Variants in AFDN observed in about 807,000 individuals in gnomAD.
AFDN encodes afadin.
AFDN carries 68 observed loss-of-function variants against 216.6 expected under a neutral mutation model. That is an observed-to-expected ratio of 0.31 (90% CI 0.26 to 0.38). AFDN has a LOEUF of 0.38. Ranked by LOEUF, AFDN falls within the 10% of genes least tolerant of loss-of-function variation. The pLI is 1.00. For missense variants in AFDN, 2,136 were observed against 2,342.0 expected (o/e 0.91, Z 1.82); for synonymous variants, 868 against 853.7 (o/e 1.02, Z -0.29).
chr6:167,955,833 T>G (rs1277044761), intron 30 of AFDN, among the ~76,000 whole-genome samples: 1 of 152,072 alleles, frequency 6.6e-6, no homozygotes, highest in African/African-American at 2.4e-5. Flanking sequence ...ATAAAATTCT[T>G]GGGTGGGCAC....
rs578050005 is a variant in AFDN, at chr6:167,971,070, G to A, written c.*1135G>A. ...CTTCAGCTATGGATATGTGGCTGAT[G>A]TTGGGGAGACGGACCTCAGTGTGTT... On this transcript the variant is annotated 3_prime_UTR_variant, in exon 34 of 34. Coordinates refer to ENST00000683244, the MANE Select transcript of AFDN (RefSeq NM_001386888.1). The A allele has an allele frequency of 9.1e-6, 2 of 220,542 alleles. No individual in the cohort carries two copies. The highest frequency in any genetic ancestry group is 3.7e-4 in the South Asian group (2 of 5,398). 13.7% of individuals were successfully genotyped at this position (220,542 alleles called of 1,614,324 possible). A position where few individuals can be genotyped will look rare whatever the true frequency, so the allele number is the denominator to read the frequency against.
Position 167,951,582 on chromosome 6 carries a change from C to A in AFDN, c.4228C>A (p.Gln1410Lys). 1.9e-6 allele frequency: 3 copies of A among 1,614,018 alleles called. No homozygotes were observed. Among genetic ancestry groups the A allele is most frequent in the Non-Finnish European group, 2.5e-6 (3 of 1,179,970 alleles). ...SANQIGLPSA[Q>K]VAAAERRKRE... ...CAACCAGATAGGGCTGCCGTCTGCGCAGGTGGCTGCTGCTGAACGGAGAAA... is the reference window on the plus strand; with the variant it reads ...CAACCAGATAGGGCTGCCGTCTGCGAAGGTGGCTGCTGCTGAACGGAGAAA... The change falls in exon 30 of 34, where the codon CAG (glutamine) becomes AAG (lysine). Residue 1410 changes from glutamine (Q) to lysine (K), a missense_variant. Gln to Lys is a moderately conservative substitution (Grantham distance 53). Transcript: ENST00000683244. This position sits in a 1 kb window ranked among gnomAD's most constrained non-coding sequence, Gnocchi z 7.1.
chr6:167,911,003 A>G, intron 13 of AFDN, 98 bp from the exon 14 acceptor site: 4 of 948,476 alleles, frequency 4.2e-6, no homozygotes, highest in Non-Finnish European at 6.6e-6. Flanking sequence ...AGATTAGTAT[A>G]TAGATTTAAA....
intron 1 of AFDN, among the ~76,000 whole-genome samples, chr6:167,858,115 A>G (rs1015333304): frequency 1.3e-5 from 2 of 152,138 alleles, no homozygotes; most frequent in African/African-American, 2.4e-5. Flanking sequence ...GAAAACTTTC[A>G]CTTTTTGATC....
chr6:167,855,640 T>G (rs1441488743), intron 1 of AFDN, among the ~76,000 whole-genome samples: 2 of 152,172 alleles, frequency 1.3e-5, no homozygotes, highest in Non-Finnish European at 2.9e-5. Flanking sequence ...AGTAGGAAGA[T>G]AGCTTATAGC....
chr6:167,965,973 C>G lies in AFDN; in HGVS notation c.5185C>G (p.Pro1729Ala). 1 of 1,551,180 alleles carries G rather than the reference C, an allele frequency of 6.4e-7. No homozygotes were observed. Among genetic ancestry groups the G allele is most frequent in the Non-Finnish European group, 8.7e-7 (1 of 1,146,972 alleles). The change falls in exon 32 of 34, where the codon CCC becomes GCC. Residue 1729 changes from proline (P) to alanine (A), a missense_variant. Physicochemically the swap from Pro to Ala is conservative, Grantham distance 27. Coordinates refer to ENST00000683244, the MANE Select transcript of AFDN (RefSeq NM_001386888.1). ...ASYLKTQVLS[P>A]DSLFTAKFVA... ...CTACCTCAAAACACAGGTCCTCTCC[C>G]CCGACTCGCTGTTCACTGCCAAGTT...
chr6:167,945,635 G>A (rs1795177164), intron 26 of AFDN, among the ~76,000 whole-genome samples: 1 of 152,162 alleles, frequency 6.6e-6, no homozygotes. Flanking sequence ...AGAAGATAGG[G>A]ATTTTTCAGC....
chr6:167,942,981 G>A (rs1356027148), intron 23 of AFDN, 148 bp from the exon 24 acceptor site: 1 of 583,602 alleles, frequency 1.7e-6, no homozygotes, highest in East Asian at 2.9e-5. Flanking sequence ...TTTCATACTT[G>A]TAATTTTCAT....
chr6:167,965,834 G>T lies in AFDN; in HGVS notation c.5046G>T (p.Leu1682Phe). Residue 1682 changes from leucine to phenylalanine, a missense_variant, in exon 32 of 34, where the codon TTG becomes TTT. By Grantham distance (22) the Leu-to-Phe change is conservative (BLOSUM62 0). This residue lies in a region of AFDN where 981 missense variants were observed against 966.0 expected (regional missense o/e 1.02). Transcript: ENST00000683244. ...AGCACGACGAGGCGGCGCGCAGGTT[G>T]CTGGAGCCCGAGGCGCCCGGTCTGT... ...RRQHDEAARR[L>F]LEPEAPGLCR... 6.4e-7 allele frequency: 1 copy of T among 1,553,878 alleles called. No homozygotes were observed. Among genetic ancestry groups the T allele is most frequent in the South Asian group, 1.2e-5 (1 of 84,206 alleles).
intron 1 of AFDN, among the ~76,000 whole-genome samples, chr6:167,861,080 T>A (rs1783512097): frequency 6.6e-6 from 1 of 152,002 alleles, no homozygotes; most frequent in South Asian, 2.1e-4. Flanking sequence ...CCTCCCCTCC[T>A]CTCCCCAACC....
intron 1 of AFDN, among the ~76,000 whole-genome samples, chr6:167,852,126 C>T (rs1689248700): frequency 6.6e-6 from 1 of 152,130 alleles, no homozygotes; most frequent in South Asian, 2.1e-4. Context: ...AAAATTCAAC[C>T]ATCATGCAAT....
In AFDN at chr6:167,900,321, G is replaced by T. The variant is rs114827116; in HGVS notation, c.1580+1854G>T. Reference sequence around the variant, plus strand: ...TCAAATCCTACTGATGGTTATAAACGAGTGGCAAAGTTTGATATTGATAGT... The same window carrying T: ...TCAAATCCTACTGATGGTTATAAACTAGTGGCAAAGTTTGATATTGATAGT... On this transcript the variant is annotated intron_variant, in intron 11 of 33. Transcript: ENST00000683244. Among the ~76,000 whole-genome samples the T allele has an allele frequency of 3.9e-5, 6 of 152,248 alleles. 1 individual carries two copies. Among genetic ancestry groups the T allele is most frequent in the Admixed American group, 2.6e-4 (4 of 15,298 alleles).
intron 1 of AFDN, among the ~76,000 whole-genome samples, chr6:167,851,913 T>G (rs1427225541): frequency 6.6e-6 from 1 of 152,260 alleles, no homozygotes; most frequent in African/African-American, 2.4e-5. Context: ...TTGCACTTAA[T>G]AGTTGGTAAT....
At chr6:167,966,117 C>A (rs967996397) in intron 32 of AFDN, 72 bp downstream of exon 32, 2 of 1,535,762 alleles carry the variant, frequency 1.3e-6, no homozygotes, top group Non-Finnish European at 1.7e-6. Flanking sequence ...ACCACGGCCA[C>A]CCCCCTGCCA....
rs572919400 is a variant in AFDN at position 167,901,493 on chromosome 6, T to C, written c.1581-824T>C. Reference sequence around the variant, plus strand: ...AGAAATTTTGATATTTTGAGATATTTGAAGAATCAGTTTAAACTAGGATAA... The same window carrying C: ...AGAAATTTTGATATTTTGAGATATTCGAAGAATCAGTTTAAACTAGGATAA... On this transcript the variant is annotated intron_variant, in intron 11 of 33. Coordinates refer to ENST00000683244, the MANE Select transcript of AFDN (RefSeq NM_001386888.1). Among the ~76,000 whole-genome samples the C allele has an allele frequency of 3.3e-5, 5 of 152,366 alleles. 1 individual carries two copies. In the East Asian group the frequency reaches 9.6e-4, roughly 29 times the overall value.
intron 5 of AFDN, among the ~76,000 whole-genome samples, chr6:167,877,692 C>A (rs1315440091): frequency 6.6e-6 from 1 of 152,122 alleles, no homozygotes; most frequent in Non-Finnish European, 1.5e-5. Flanking sequence ...AAAAATATAT[C>A]CTTACAGCCT....
intron 1 of AFDN, among the ~76,000 whole-genome samples, chr6:167,854,096 A>C (rs1782619705): frequency 6.6e-6 from 1 of 152,032 alleles, no homozygotes; most frequent in African/African-American, 2.4e-5. Context: ...CCCCACAAAA[A>C]GACTGGTTTC....
intron 26 of AFDN, among the ~76,000 whole-genome samples, chr6:167,945,177 T>C (rs1795123342): frequency 1.3e-5 from 2 of 152,284 alleles, no homozygotes; most frequent in Admixed American, 6.5e-5. Context: ...TTTTTTTAAT[T>C]TATCTTTTCA....
intron 1 of AFDN, among the ~76,000 whole-genome samples, chr6:167,828,968 A>G: frequency 6.6e-6 from 1 of 152,060 alleles, no homozygotes. Context: ...TTTCTTAGTG[A>G]TATGACTAGT....
Sources: allele counts gnomAD v4.1 joint callset (sites outside exome capture counted in the v4.1 genomes callset), GRCh38; gene constraint gnomAD v4.1.1; regional missense constraint gnomAD v4.1.1; non-coding constraint Gnocchi (gnomAD v3.1); transcripts MANE v1.5; gene names NCBI Gene and HGNC (gene_info 2026-07-23, HGNC 2026-07-21).